CLYBL: variants seen among roughly 807,000 people sequenced by gnomAD.
CLYBL encodes the protein citramalyl-CoA lyase, mitochondrial.
A neutral mutation model predicts 38.9 loss-of-function variants in CLYBL; 31 were observed. The ratio of observed to expected loss-of-function variants is 0.80; its 90% confidence interval spans 0.60 to 1.08. The LOEUF (loss-of-function observed/expected upper bound fraction) is 1.08, where lower values mean the gene tolerates loss of function less well. Among genes scored for constraint, CLYBL ranks in the 50% least tolerant of loss-of-function variants. CLYBL has a pLI of 0.00. For synonymous variants in CLYBL, 171 were observed against 158.6 expected (o/e 1.08, Z -0.59); for missense variants, 434 against 411.6 (o/e 1.05, Z -0.47).
rs1566361607 is a variant in CLYBL at position 99,870,924 on chromosome 13, T to G, written c.803-14T>G. 1.3e-6 allele frequency: 2 copies of G among 1,588,714 alleles called. No homozygotes were observed. ...CGTTGTTTCGTGGTTCCGATGTTAT[T>G]AATATTCTTGTAGGTAAGCAGGTGA... On this transcript the variant is annotated splice_polypyrimidine_tract_variant and intron_variant, in intron 6 of 8. Coordinates refer to ENST00000339105, the MANE Select transcript of CLYBL (RefSeq NM_206808.5).
At chr13:99,740,694 C>T (rs1318960741) in intron 1 of CLYBL, among the ~76,000 whole-genome samples, 1 of 152,172 alleles carries the variant, frequency 6.6e-6, no homozygotes, top group Non-Finnish European at 1.5e-5. Flanking sequence ...GTAGACAGGT[C>T]GCCCGTAGAC....
chr13:99,665,614 G>T (rs1398879409), intron 1 of CLYBL, among the ~76,000 whole-genome samples: 1 of 151,560 alleles, frequency 6.6e-6, no homozygotes, highest in Non-Finnish European at 1.5e-5. Context: ...AAACTCCTCT[G>T]GGGAAATAAT....
At chr13:99,612,252 CTCT>C (rs2046637196) in intron 1 of CLYBL, among the ~76,000 whole-genome samples, 1 of 151,656 alleles carries the variant, frequency 6.6e-6, no homozygotes, top group African/African-American at 2.4e-5. Flanking sequence ...ATCGATTTTT[CTCT>C]TTTTTTTGTT....
chr13:99,770,473 A>G (rs935458036), intron 1 of CLYBL, among the ~76,000 whole-genome samples: 4 of 151,832 alleles, frequency 2.6e-5, no homozygotes, highest in African/African-American at 9.7e-5. Flanking sequence ...GCCCGCCACC[A>G]CGCCTGGCTA....
intron 7 of CLYBL, among the ~76,000 whole-genome samples, chr13:99,882,953 A>AGGGCT (rs1235373516): frequency 2.6e-5 from 4 of 151,846 alleles, no homozygotes; most frequent in African/African-American, 9.7e-5. Flanking sequence ...ACTCGGAAGT[A>AGGGCT]GGGCTGGGCC....
intron 1 of CLYBL, among the ~76,000 whole-genome samples, chr13:99,667,180 G>A (rs2047494082): frequency 6.6e-6 from 1 of 152,170 alleles, no homozygotes; most frequent in South Asian, 2.1e-4. Flanking sequence ...ACTGTCAGAA[G>A]TCACTGCTCT....
chr13:99,775,073 A>G (rs932658039), intron 2 of CLYBL, among the ~76,000 whole-genome samples: 3 of 152,194 alleles, frequency 2.0e-5, no homozygotes, highest in African/African-American at 7.2e-5. Context: ...GATTTCCTAT[A>G]GGAAATAGAT....
intron 1 of CLYBL, among the ~76,000 whole-genome samples, chr13:99,680,802 C>G (rs1003896062): frequency 2.6e-5 from 4 of 152,158 alleles, no homozygotes; most frequent in African/African-American, 9.7e-5. Flanking sequence ...AGTCTTTGGC[C>G]TTAGGACAGA....
chr13:99,767,194 A>G (rs538256715), intron 1 of CLYBL, among the ~76,000 whole-genome samples: 1 of 152,238 alleles, frequency 6.6e-6, no homozygotes, highest in Non-Finnish European at 1.5e-5. Context: ...TTATGGATGT[A>G]GAAATCCAAT....
At chr13:99,866,112 T>TTTTA in intron 5 of CLYBL, 128 bp from the exon 6 acceptor site, 1 of 900,700 alleles carries the variant, frequency 1.1e-6, no homozygotes, top group Admixed American at 2.4e-5. Context: ...ATTTCAATAA[T>TTTTA]TTTATTTTGC....
chr13:99,867,248 C>T (rs939014992), intron 6 of CLYBL, among the ~76,000 whole-genome samples: 2 of 152,026 alleles, frequency 1.3e-5, no homozygotes, highest in African/African-American at 2.4e-5. Flanking sequence ...GAAAGGCACC[C>T]GAATAATTAG....
In CLYBL at chr13:99,736,501, G is replaced by A. The variant is rs138684929; in HGVS notation, c.63-36323G>A. On this transcript the variant is annotated intron_variant, in intron 1 of 8. Transcript: ENST00000339105. ...AGCATTGGAAAGGGACACTGTCTTGGTATTTTGAAGAGCTAATATTTATGC... is the reference window on the plus strand; with the variant it reads ...AGCATTGGAAAGGGACACTGTCTTGATATTTTGAAGAGCTAATATTTATGC... 7.0e-3 allele frequency among the ~76,000 whole-genome samples: 1,059 copies of A among 152,056 alleles called. 11 individuals carry two copies. Among genetic ancestry groups the A allele is most frequent in the Middle Eastern group, 0.044 (13 of 294 alleles).
intron 9 of CLYBL, among the ~76,000 whole-genome samples, chr13:99,905,735 A>G (rs1237628875): frequency 8.8e-5 from 9 of 102,538 alleles, no homozygotes; most frequent in Non-Finnish European, 2.0e-4. Context: ...TTTTTTTTTT[A>G]GATCAAACAT....
chr13:99,776,758 C>T (rs573573659), intron 2 of CLYBL, among the ~76,000 whole-genome samples: 2 of 152,118 alleles, frequency 1.3e-5, no homozygotes, highest in South Asian at 2.1e-4. Context: ...TGAACAGAGA[C>T]GTATATAGTG....
intron 2 of CLYBL, among the ~76,000 whole-genome samples, chr13:99,817,430 G>A (rs977836893): frequency 2.0e-5 from 3 of 151,338 alleles, no homozygotes; most frequent in African/African-American, 4.9e-5. Flanking sequence ...AGGCCGAGGC[G>A]GGCGGATCAC....
intron 1 of CLYBL, among the ~76,000 whole-genome samples, chr13:99,714,964 A>G (rs967235421): frequency 2.0e-5 from 3 of 152,102 alleles, no homozygotes; most frequent in African/African-American, 7.2e-5. Context: ...AAATAAATAA[A>G]TAAATAAAAA....
At chr13:99,674,814 G>T (rs1345328828) in intron 1 of CLYBL, among the ~76,000 whole-genome samples, 108 of 152,196 alleles carry the variant, frequency 7.1e-4, no homozygotes, top group Non-Finnish European at 1.5e-4. Flanking sequence ...ACAGCAAGTT[G>T]GGAGGGGGTG....
intron 2 of CLYBL, among the ~76,000 whole-genome samples, chr13:99,853,355 T>C (rs921130496): frequency 1.3e-5 from 2 of 152,156 alleles, no homozygotes; most frequent in East Asian, 1.9e-4. Flanking sequence ...ACCTGTGTTT[T>C]AATGTATGTT....
chr13:99,644,206 G>GTATGTATATGTGGTGTATGTA (rs10643154), intron 1 of CLYBL, among the ~76,000 whole-genome samples: 1 of 144,994 alleles, frequency 6.9e-6, no homozygotes, highest in Non-Finnish European at 1.5e-5. Flanking sequence ...TGTGGTGTAT[G>GTATGTATATGTGGTGTATGTA]TGTATATGTG....
Sources: gnomAD v4.1 joint callset for allele counts (sites outside exome capture counted in the v4.1 genomes callset) on GRCh38, gnomAD v4.1.1 for gene constraint, MANE v1.5 for transcripts, NCBI Gene and HGNC (gene_info 2026-07-23, HGNC 2026-07-21) for gene names.